CCSER1: variants seen among roughly 807,000 people sequenced by gnomAD.
The protein encoded by CCSER1 is coiled-coil serine rich protein 1.
A neutral mutation model predicts 82.0 loss-of-function variants in CCSER1; 41 were observed. The observed-to-expected ratio is 0.50, with a 90% CI of 0.39 to 0.65. CCSER1 has a LOEUF of 0.65. CCSER1 is among the 30% of genes least tolerant of loss of function. The probability of loss-of-function intolerance (pLI) is 0.00; values close to 1 mark genes in which losing one functional copy is unlikely to be tolerated. For synonymous variants in CCSER1, 414 were observed against 383.9 expected, an observed-to-expected ratio of 1.08 and a Z score of -0.92; for missense variants, 1,119 against 1,064.2, an observed-to-expected ratio of 1.05 and a Z score of -0.72.
rs551507237 is a variant in CCSER1, at chr4:90,723,552, A to T, written c.1933-362A>T. ...ACGTTTGAAAATCAGTCTGAAATAC[A>T]TTGAAATAGCAACATAATGAATTAT... On this transcript the variant is annotated intron_variant, in intron 6 of 10. Transcript: ENST00000509176. Among the ~76,000 whole-genome samples, 704 of 152,060 alleles carry T rather than the reference A, an allele frequency of 4.6e-3. 8 individuals are homozygous for T. The highest frequency in any genetic ancestry group is 0.016 in the African/African-American group (672 of 41,568).
In CCSER1 at chr4:91,476,808, T is replaced by A. The variant is rs537894974; in HGVS notation, c.2218-121764T>A. 1.6e-4 allele frequency among the ~76,000 whole-genome samples: 25 copies of A among 151,804 alleles called. 1 individual carries two copies. The highest frequency in any genetic ancestry group is 5.5e-4 in the African/African-American group (23 of 41,528). ...TCAACAAAGGTACCAAAAACATACA[T>A]TGAAGAAAGGACAATCTCTTCAATA... On this transcript the variant is annotated intron_variant, in intron 10 of 10. Transcript: ENST00000509176.
chr4:91,555,583 A>AAAAT, intron 10 of CCSER1, among the ~76,000 whole-genome samples: 1 of 151,146 alleles, frequency 6.6e-6, no homozygotes, highest in South Asian at 2.1e-4. Context: ...ATCCATTTTC[A>AAAAT]AAGAAATGAC....
intron 7 of CCSER1, among the ~76,000 whole-genome samples, chr4:90,740,909 TC>T (rs1470578977): frequency 6.6e-6 from 1 of 152,196 alleles, no homozygotes; most frequent in Non-Finnish European, 1.5e-5. Flanking sequence ...GACACCATTT[TC>T]TGAGCATCTA....
chr4:90,334,976 G>A (rs188505395), intron 3 of CCSER1, among the ~76,000 whole-genome samples: 15 of 152,204 alleles, frequency 9.9e-5, no homozygotes, highest in Admixed American at 9.8e-4. Context: ...GTGACAAAAG[G>A]TAACAGGAAG....
intron 10 of CCSER1, among the ~76,000 whole-genome samples, chr4:91,216,508 G>A (rs1016029112): frequency 6.6e-6 from 1 of 152,086 alleles, no homozygotes; most frequent in Non-Finnish European, 1.5e-5. Flanking sequence ...TTTTAGTAGA[G>A]ACGGGGTTTC....
rs1239091993 is a variant in CCSER1, at chr4:91,599,058, T to C, written c.*1T>C. 6.5e-7 allele frequency: 1 copy of C among 1,533,034 alleles called. No individual in the cohort carries two copies. The highest frequency in any genetic ancestry group is 8.8e-7 in the Non-Finnish European group (1 of 1,134,696). The allele number at this position is 1,533,034 out of a possible 1,614,324, so 95.0% of individuals were successfully genotyped here. A position where few individuals can be genotyped will look rare whatever the true frequency, so the allele number is the denominator to read the frequency against. The stretch of plus-strand genomic sequence containing the variant: ...AACTCTAGGCCAGCAGGATGGGTAA[T>C]TAAATCACCGTATTCCTGTCTTTGG... On this transcript the variant is annotated 3_prime_UTR_variant, in exon 11 of 11. Coordinates refer to ENST00000509176, the MANE Select transcript of CCSER1 (RefSeq NM_001145065.2).
At chr4:90,252,241 T>C (rs1279471523) in intron 1 of CCSER1, among the ~76,000 whole-genome samples, 1 of 151,932 alleles carries the variant, frequency 6.6e-6, no homozygotes, top group African/African-American at 2.4e-5. Flanking sequence ...ATCATGTTTT[T>C]GCATAAAAAC....
intron 1 of CCSER1, among the ~76,000 whole-genome samples, chr4:90,291,802 A>T (rs1234273093): frequency 6.6e-6 from 1 of 152,042 alleles, no homozygotes; most frequent in Admixed American, 6.6e-5. Flanking sequence ...TTATGAATTT[A>T]GGTGAATTTG....
intron 1 of CCSER1, among the ~76,000 whole-genome samples, chr4:90,238,152 G>A (rs553672008): frequency 6.6e-6 from 1 of 152,290 alleles, no homozygotes; most frequent in South Asian, 2.1e-4. Flanking sequence ...AATGATTACT[G>A]TAGCTCAAAA....
At chr4:90,651,736 C>T (rs899544360) in intron 6 of CCSER1, among the ~76,000 whole-genome samples, 6 of 152,094 alleles carry the variant, frequency 3.9e-5, no homozygotes, top group Middle Eastern at 3.4e-3. Context: ...ACAGAGATAG[C>T]GTTCCCCCTC....
At chr4:90,253,922 T>C (rs1459163087) in intron 1 of CCSER1, among the ~76,000 whole-genome samples, 50 of 152,304 alleles carry the variant, frequency 3.3e-4, no homozygotes, top group Non-Finnish European at 1.5e-5. Flanking sequence ...GATTGCTCCA[T>C]TGTTTTTGAC....
At chr4:90,602,424 A>T (rs1375484201) in intron 5 of CCSER1, among the ~76,000 whole-genome samples, 1 of 152,100 alleles carries the variant, frequency 6.6e-6, no homozygotes, top group Non-Finnish European at 1.5e-5. Flanking sequence ...TAGGCAATAT[A>T]TAGTTAGGTC....
chr4:91,148,948 T>C (rs1729833690), intron 10 of CCSER1, among the ~76,000 whole-genome samples: 1 of 152,280 alleles, frequency 6.6e-6, no homozygotes, highest in Admixed American at 6.5e-5. Context: ...TAAACATACG[T>C]GTGCATGTGT....
At chr4:90,396,385 C>A (rs1751959715) in intron 3 of CCSER1, among the ~76,000 whole-genome samples, 1 of 151,968 alleles carries the variant, frequency 6.6e-6, no homozygotes, top group Admixed American at 6.6e-5. Context: ...ACTTTTGGTA[C>A]TACTGGTTTA....
rs1317616096 is a variant in CCSER1 at position 90,659,876 on chromosome 4, A to G, written c.1932+31644A>G. 2.6e-5 allele frequency among the ~76,000 whole-genome samples: 4 copies of G among 152,166 alleles called. No individual in the cohort carries two copies. In the East Asian group the frequency reaches 7.7e-4, roughly 29 times the overall value. On this transcript the variant is annotated intron_variant, in intron 6 of 10. Coordinates refer to ENST00000509176, the MANE Select transcript of CCSER1 (RefSeq NM_001145065.2). ...TTAATTTACATTTATCTCATGAATG[A>G]TGAACATTTTTTCATATGCTAGATT...
At chr4:90,542,672 C>A (rs1776257410) in intron 5 of CCSER1, among the ~76,000 whole-genome samples, 1 of 151,936 alleles carries the variant, frequency 6.6e-6, no homozygotes, top group South Asian at 2.1e-4. Context: ...ACTATAAAGA[C>A]CTTTACAATA....
intron 10 of CCSER1, among the ~76,000 whole-genome samples, chr4:91,130,491 A>C (rs1023494479): frequency 1.3e-5 from 2 of 151,846 alleles, no homozygotes; most frequent in Non-Finnish European, 2.9e-5. Flanking sequence ...ATTCACCACT[A>C]TACTTTGTAG....
At chr4:91,388,922 G>A (rs909163459) in intron 10 of CCSER1, among the ~76,000 whole-genome samples, 14 of 151,926 alleles carry the variant, frequency 9.2e-5, no homozygotes, top group Admixed American at 6.6e-4. Context: ...TTTGGTCCAC[G>A]TTTTAATTGG....
chr4:91,122,420 T>A (rs1727165082), intron 10 of CCSER1, among the ~76,000 whole-genome samples: 1 of 151,772 alleles, frequency 6.6e-6, no homozygotes, highest in Non-Finnish European at 1.5e-5. Context: ...ACTTGACATT[T>A]TTTTTCTGAC....
Sources: gnomAD v4.1 joint callset for allele counts (sites outside exome capture counted in the v4.1 genomes callset) on GRCh38, gnomAD v4.1.1 for gene constraint, MANE v1.5 for transcripts, NCBI Gene and HGNC (gene_info 2026-07-23, HGNC 2026-07-21) for gene names.